The following LTA4H variants were observed in gnomAD, a reference collection of about 807,000 sequenced individuals.
The protein encoded by LTA4H is leukotriene A-4 hydrolase.
A neutral mutation model predicts 89.8 loss-of-function variants in LTA4H; 59 were observed. That is an observed-to-expected ratio of 0.66 (90% CI 0.53 to 0.82). LTA4H has a LOEUF of 0.82. Ranked by LOEUF, LTA4H falls within the 40% of genes least tolerant of loss-of-function variation. The pLI is 0.00. For synonymous variants in LTA4H, 227 were observed against 253.1 expected (o/e 0.90, Z 0.98); for missense variants, 617 against 727.0 (o/e 0.85, Z 1.74).
upstream of LTA4H, among the ~76,000 whole-genome samples, chr12:96,038,483 C>T (rs1164347554): frequency 2.0e-5 from 3 of 151,964 alleles, no homozygotes; most frequent in African/African-American, 4.8e-5. Flanking sequence ...TGGACTCAAG[C>T]GATTCTCGTG....
chr12:96,003,890 T>C lies in LTA4H; in HGVS notation c.1561A>G (p.Met521Val). The C allele has an allele frequency of 6.2e-7, 1 of 1,610,580 alleles. No individual in the cohort carries two copies. Among genetic ancestry groups the C allele is most frequent in the Non-Finnish European group, 8.5e-7 (1 of 1,178,122 alleles). ...APLPLGHIKRMQEVYNFNAIN... is the reference protein window; with the variant it reads ...APLPLGHIKRVQEVYNFNAIN... ...GCATTGAAGTTGTACACCTCTTGCATTCGCTTTATGTGCCCCAATGGAAGA... is the reference window on the plus strand; with the variant it reads ...GCATTGAAGTTGTACACCTCTTGCACTCGCTTTATGTGCCCCAATGGAAGA... The change falls in exon 17 of 19, where the codon ATG becomes GTG. Residue 521 changes from methionine (M) to valine (V), a missense_variant. Met to Val is a conservative substitution (Grantham distance 21). This residue lies in a region of LTA4H where 290 missense variants were observed against 339.1 expected (regional missense o/e 0.86). Coordinates refer to ENST00000228740, the MANE Select transcript of LTA4H (RefSeq NM_000895.3).
At chr12:96,041,883 C>T (rs983292319) in intron 1 of LTA4H, among the ~76,000 whole-genome samples, 9 of 152,044 alleles carry the variant, frequency 5.9e-5, no homozygotes, top group African/African-American at 1.7e-4. Flanking sequence ...CCTCGTGATC[C>T]GCCCACCTCA....
chr12:96,034,703 C>T (rs918608054), intron 1 of LTA4H, among the ~76,000 whole-genome samples: 1 of 152,212 alleles, frequency 6.6e-6, no homozygotes, highest in Non-Finnish European at 1.5e-5. Flanking sequence ...CCTGCCCGGC[C>T]GGGGCTGGAA....
chr12:96,018,053 A>G (rs1262742006), intron 8 of LTA4H, among the ~76,000 whole-genome samples: 2 of 151,986 alleles, frequency 1.3e-5, no homozygotes, highest in African/African-American at 4.8e-5. Flanking sequence ...GCAGCGTTCT[A>G]TGGCCCTAAT....
chr12:96,023,164 G>A (rs1306191789), intron 4 of LTA4H, among the ~76,000 whole-genome samples: 1 of 152,184 alleles, frequency 6.6e-6, no homozygotes, highest in African/African-American at 2.4e-5. Flanking sequence ...AGACTTTCAT[G>A]TTCTTCTTGC....
At chr12:96,008,569 A>C (rs1426167602) in intron 15 of LTA4H, among the ~76,000 whole-genome samples, 1 of 152,116 alleles carries the variant, frequency 6.6e-6, no homozygotes, top group Admixed American at 6.6e-5. Flanking sequence ...AAGAGTTAAG[A>C]AGCAAGAAAA....
chr12:96,029,134 C>A lies in LTA4H; in HGVS notation c.211G>T (p.Glu71Ter). ...CTTTCTCCAAGAGCATATTTGACTT[C>A]TTGTCCATTGATCACTACTTTTTCT... ...TIEKVVINGQ[E>*]VKYALGERQS... is the part of the protein sequence containing the mutation. Residue 71 changes from glutamate to a stop codon, truncating the protein, a stop_gained, in exon 2 of 19, where the codon GAA becomes TAA. Coordinates refer to ENST00000228740, the MANE Select transcript of LTA4H (RefSeq NM_000895.3). LOFTEE classifies it high-confidence loss of function. 6.3e-7 allele frequency: 1 copy of A among 1,589,966 alleles called. No individual in the cohort carries two copies. Among genetic ancestry groups the A allele is most frequent in the Non-Finnish European group, 8.6e-7 (1 of 1,163,782 alleles).
At chr12:96,029,580 T>C (rs1056012859) in intron 1 of LTA4H, among the ~76,000 whole-genome samples, 3 of 152,184 alleles carry the variant, frequency 2.0e-5, no homozygotes, top group East Asian at 1.9e-4. Context: ...CTAGAACTCA[T>C]GTACTTTCAA....
At chr12:96,034,723 G>C (rs1950616903) in intron 1 of LTA4H, among the ~76,000 whole-genome samples, 1 of 152,224 alleles carries the variant, frequency 6.6e-6, no homozygotes, top group Non-Finnish European at 1.5e-5. Context: ...AATCCTAAGA[G>C]GCTTGAGAAC....
chr12:96,033,618 T>C (rs926882924), intron 1 of LTA4H, among the ~76,000 whole-genome samples: 7 of 152,176 alleles, frequency 4.6e-5, no homozygotes, highest in African/African-American at 1.7e-4. Flanking sequence ...TGCAGGTTTG[T>C]TACATAAGTA....
chr12:96,014,923 T>C lies in LTA4H; in HGVS notation c.1136A>G (p.Tyr379Cys). The change falls in exon 12 of 19, where the codon TAT (tyrosine) becomes TGT (cysteine). Residue 379 changes from tyrosine to cysteine, a missense_variant. Coordinates refer to ENST00000228740, the MANE Select transcript of LTA4H (RefSeq NM_000895.3). Reference sequence around the variant, plus strand: ...GCCCTTCTCATAGGGAACTGAAGAATAAGCTACATCAGGGTCTATATCTGT... The same window carrying C: ...GCCCTTCTCATAGGGAACTGAAGAACAAGCTACATCAGGGTCTATATCTGT... Reference protein sequence around the residue: ...DLTDIDPDVAYSSVPYEKGFA... With the variant: ...DLTDIDPDVACSSVPYEKGFA... 2 of 1,613,830 alleles carry C rather than the reference T, an allele frequency of 1.2e-6. No individual in the cohort carries two copies. Among genetic ancestry groups the C allele is most frequent in the East Asian group, 2.2e-5 (1 of 44,846 alleles).
intron 6 of LTA4H, among the ~76,000 whole-genome samples, chr12:96,019,667 C>CT (rs1566011283): frequency 6.7e-6 from 1 of 148,396 alleles, no homozygotes; most frequent in Non-Finnish European, 1.5e-5. Context: ...TCTTGGCTCA[C>CT]TGCAAGCTCC....
At chr12:96,013,342 A>C in intron 13 of LTA4H, 84 bp from the exon 14 acceptor site, 1 of 804,152 alleles carries the variant, frequency 1.2e-6, no homozygotes, top group Admixed American at 2.1e-5. Flanking sequence ...CCTTAGATAT[A>C]TAATTTTGTC....
chr12:96,001,854 AT>A (rs773678087), intron 18 of LTA4H, among the ~76,000 whole-genome samples: 6,147 of 147,098 alleles, frequency 0.042, 144 homozygotes, highest in Non-Finnish European at 0.066. Context: ...TATTTTATTC[AT>A]TTTTTTTTTT....
chr12:96,039,243 TAAA>T (rs1207237940), upstream of LTA4H, among the ~76,000 whole-genome samples: 1 of 151,850 alleles, frequency 6.6e-6, no homozygotes, highest in Non-Finnish European at 1.5e-5. Flanking sequence ...ATAATAATAA[TAAA>T]AGAAGGGTAA....
intron 3 of LTA4H, among the ~76,000 whole-genome samples, chr12:96,025,071 G>C (rs1367345083): frequency 6.6e-6 from 1 of 152,166 alleles, no homozygotes; most frequent in Non-Finnish European, 1.5e-5. Context: ...GAAGCATGGA[G>C]AAACTCTTAA....
chr12:96,003,058 C>G lies in LTA4H; in HGVS notation c.1620G>C (p.Leu540=). Residue 540 remains leucine (L), a synonymous_variant, in exon 18 of 19, where the codon CTG becomes CTC. Coordinates refer to ENST00000228740, the MANE Select transcript of LTA4H (RefSeq NM_000895.3). ...CCCACTTGGATTGAATGCAGAGCCG[C>G]AGCCATCTAAAAGGAGGATTTGGGG... is the stretch of plus-strand genomic sequence containing the variant. The part of the protein sequence containing the change: ...INNSEIRFRW[L]RLCIQSKWED... 1 of 1,593,292 alleles carries G rather than the reference C, an allele frequency of 6.3e-7. No individual in the cohort carries two copies. The highest frequency in any genetic ancestry group is 8.6e-7 in the Non-Finnish European group (1 of 1,168,320).
intron 15 of LTA4H, 111 bp downstream of exon 15, chr12:96,008,983 T>C (rs1950252301): frequency 2.5e-6 from 2 of 797,944 alleles, no homozygotes; most frequent in African/African-American, 1.7e-5. Flanking sequence ...GACTTTCAAA[T>C]AGCCTTTCCA....
At chr12:96,008,293 G>A (rs1950237367) in intron 15 of LTA4H, among the ~76,000 whole-genome samples, 1 of 152,030 alleles carries the variant, frequency 6.6e-6, no homozygotes, top group African/African-American at 2.4e-5. Flanking sequence ...ATTATCAAGG[G>A]CTCATCCTTA....
Sources: allele counts gnomAD v4.1 joint callset (sites outside exome capture counted in the v4.1 genomes callset), GRCh38; gene constraint gnomAD v4.1.1; regional missense constraint gnomAD v4.1.1; transcripts MANE v1.5; gene names NCBI Gene and HGNC (gene_info 2026-07-23, HGNC 2026-07-21).